Variants in PANK4 observed in about 807,000 individuals in gnomAD.
The protein encoded by PANK4 is pantothenate kinase 4 (inactive).
A neutral mutation model predicts 87.9 loss-of-function variants in PANK4; 40 were observed. The ratio of observed to expected loss-of-function variants is 0.46; its 90% CI spans 0.35 to 0.59. The LOEUF is 0.59. Ranked by LOEUF, PANK4 falls within the 20% of genes least tolerant of loss-of-function variation. The pLI, the probability that PANK4 is intolerant of heterozygous loss-of-function variation, is 0.00. For missense variants in PANK4, 926 were observed against 1,072.3 expected (o/e 0.86, Z 1.90); for synonymous variants, 524 against 467.4 (o/e 1.12, Z -1.56).
At position 2,519,010 on chromosome 1, in the gene PANK4, G is replaced by A. The variant is rs1032339055; in HGVS notation, c.1035+133C>T. On this transcript the variant is annotated intron_variant, in intron 7 of 18. Transcript: ENST00000378466. This position sits in a 1 kb window ranked among gnomAD's most constrained non-coding sequence, Gnocchi z 8.3. The stretch of plus-strand genomic sequence containing the variant: ...AGGCTGCCCAGAATCAGTCAGAAGG[G>A]AGGGGTGCTGGGCTTCTTGGCCCCC... The A allele has an allele frequency of 9.0e-5, 72 of 802,236 alleles. No homozygotes were observed. The highest frequency in any genetic ancestry group is 1.4e-4 in the Non-Finnish European group (68 of 496,904). 49.7% of individuals were successfully genotyped at this position (802,236 alleles called of 1,614,324 possible). A position where few individuals can be genotyped will look rare whatever the true frequency, so the allele number is the denominator to read the frequency against.
rs1368201084 is a variant in PANK4 at position 2,508,906 on chromosome 1, C to A, written c.2263G>T (p.Glu755Ter). The change falls in exon 19 of 19, where the codon GAG (glutamate) becomes TAG (stop). Residue 755 changes from glutamate to a stop codon, truncating the protein, a stop_gained. Transcript: ENST00000378466. LOFTEE classifies it high-confidence loss of function. This position sits in a 1 kb window ranked among gnomAD's most constrained non-coding sequence, Gnocchi z 5.1. ...LAVIKNAWLA[E>*]RLGGRLFSVI... Reference sequence around the variant, plus strand: ...CTGAAGAGCCGGCCGCCCAGCCGCTCGGCCAGCCACGCGTTCTTGATGACG... The same window carrying A: ...CTGAAGAGCCGGCCGCCCAGCCGCTAGGCCAGCCACGCGTTCTTGATGACG... The A allele has an allele frequency of 6.2e-7, 1 of 1,609,646 alleles. No individual in the cohort carries two copies.
chr1:2,519,121 G>A lies in PANK4; in HGVS notation c.1035+22C>T. The A allele has an allele frequency of 6.2e-7, 1 of 1,603,884 alleles. No individual in the cohort carries two copies. The highest frequency in any genetic ancestry group is 8.5e-7 in the Non-Finnish European group (1 of 1,173,444). On this transcript the variant is annotated intron_variant, in intron 7 of 18. Transcript: ENST00000378466. This position sits in a 1 kb window ranked among gnomAD's most constrained non-coding sequence, Gnocchi z 8.3. ...CCTGGGGGGTCTGCGTTAGAGGCTG[G>A]GGAGGGCGGCGCATCCGTTACCTTG...
At position 2,510,813 on chromosome 1, in the gene PANK4, G is replaced by T; in HGVS notation, c.1834-31C>A. On this transcript the variant is annotated intron_variant, in intron 15 of 18. Transcript: ENST00000378466. This position sits in a 1 kb window ranked among gnomAD's most constrained non-coding sequence, Gnocchi z 4.9. The stretch of plus-strand genomic sequence containing the variant: ...AGACAAAACCAGGACGTTCAGTTGG[G>T]AACAGGCGCATCCAAGCGAGTCAGT... 7.7e-7 allele frequency: 1 copy of T among 1,304,684 alleles called. No individual in the cohort carries two copies. The highest frequency in any genetic ancestry group is 1.1e-6 in the Non-Finnish European group (1 of 898,588). 80.8% of individuals were successfully genotyped at this position (1,304,684 alleles called of 1,614,324 possible). A position where few individuals can be genotyped will look rare whatever the true frequency, so the allele number is the denominator to read the frequency against.
Position 2,509,136 on chromosome 1 carries a change from C to T in PANK4, c.2109-76G>A, listed in dbSNP as rs369233916. On this transcript the variant is annotated intron_variant, in intron 18 of 18. Coordinates refer to ENST00000378466, the MANE Select transcript of PANK4 (RefSeq NM_018216.4). The surrounding 1 kb of genome is among the most constrained non-coding windows in gnomAD (Gnocchi z 4.9). ...ACTTCCCATACAGTGCGGCGACCAA[C>T]GTGAAGGCTGAAACCCCTACCGCTC... The T allele has an allele frequency of 2.1e-5, 24 of 1,160,098 alleles. No individual in the cohort carries two copies. The highest frequency in any genetic ancestry group is 9.2e-5 in the African/African-American group (6 of 65,392). 71.9% of individuals were successfully genotyped at this position (1,160,098 alleles called of 1,614,324 possible).
chr1:2,513,196 A>G lies in PANK4; in HGVS notation c.1576-157T>C, dbSNP rs191872629. Among the ~76,000 whole-genome samples the G allele has an allele frequency of 4.1e-3, 621 of 152,368 alleles. 1 individual carries two copies. Among genetic ancestry groups the G allele is most frequent in the African/African-American group, 0.013 (540 of 41,590 alleles). On this transcript the variant is annotated intron_variant, in intron 12 of 18. Transcript: ENST00000378466. Reference sequence around the variant, plus strand: ...AGGCACAAGCCTATCGGTCCGGGACAGTGGCCAGCGCACAGCTGCACGGGG... The same window carrying G: ...AGGCACAAGCCTATCGGTCCGGGACGGTGGCCAGCGCACAGCTGCACGGGG...
chr1:2,518,157 T>G lies in PANK4; in HGVS notation c.1218+7A>C, dbSNP rs1259480074. ...GGGGCCCGGGGCGGCCAGAGCCCAC[T>G]ACTCACAGTGCCACTCCGCGCCCGC... On this transcript the variant is annotated splice_region_variant and intron_variant, in intron 9 of 18. Transcript: ENST00000378466. 2 of 1,587,542 alleles carry G rather than the reference T, an allele frequency of 1.3e-6. No individual in the cohort carries two copies. The highest frequency in any genetic ancestry group is 1.7e-6 in the Non-Finnish European group (2 of 1,166,724).
rs375650798 is a variant in PANK4, at chr1:2,512,996, C to T, written c.1619G>A (p.Gly540Glu). The T allele has an allele frequency of 6.2e-7, 1 of 1,611,038 alleles. No homozygotes were observed. Among genetic ancestry groups the T allele is most frequent in the Non-Finnish European group, 8.5e-7 (1 of 1,178,628 alleles). ...ENGVALRCFP[G>E]VVRSLDALGW... is the part of the protein sequence containing the mutation. ...CAGCGCGTCCAGGGAGCGCACGACC[C>T]CGGGGAAGCACCTCAGCGCCACGCC... Residue 540 changes from glycine (G) to glutamate (E), a missense_variant, in exon 13 of 19, where the codon GGG (glycine) becomes GAG (glutamate). Coordinates refer to ENST00000378466, the MANE Select transcript of PANK4 (RefSeq NM_018216.4).
At chr1:2,513,767 C>T (rs1643707366) in intron 12 of PANK4, among the ~76,000 whole-genome samples, 1 of 152,218 alleles carries the variant, frequency 6.6e-6, no homozygotes, top group Admixed American at 6.5e-5. Flanking sequence ...CTAGTCACAG[C>T]AGTCCCCACC....
At chr1:2,517,354 C>T (rs1393448895) in intron 9 of PANK4, among the ~76,000 whole-genome samples, 1 of 152,266 alleles carries the variant, frequency 6.6e-6, no homozygotes, top group Non-Finnish European at 1.5e-5. Context: ...CTTGAAAATA[C>T]TGACACTGAA....
intron 12 of PANK4, 37 bp from the exon 13 acceptor site, chr1:2,513,076 C>CGTG: frequency 6.4e-7 from 1 of 1,556,710 alleles, no homozygotes; most frequent in South Asian, 1.2e-5. Context: ...TGAGTGAAGA[C>CGTG]GTGGCCTCAG....
At chr1:2,522,507 G>A (rs1313452467) in intron 1 of PANK4, among the ~76,000 whole-genome samples, 1 of 152,158 alleles carries the variant, frequency 6.6e-6, no homozygotes, top group African/African-American at 2.4e-5. Flanking sequence ...GGGGCTCTAT[G>A]TACCTGAACC....
rs1570545624 is a variant in PANK4, at chr1:2,519,755, T to C, written c.853+46A>G. On this transcript the variant is annotated intron_variant, in intron 6 of 18. Transcript: ENST00000378466. This position sits in a 1 kb window ranked among gnomAD's most constrained non-coding sequence, Gnocchi z 8.3. ...AAGCTCCTGTCCGTGAGACCCCAAG[T>C]GTCCCCACCATCCTGCTCTCTGGCG... 1.3e-6 allele frequency: 2 copies of C among 1,510,902 alleles called. No homozygotes were observed. Among genetic ancestry groups the C allele is most frequent in the South Asian group, 1.2e-5 (1 of 81,312 alleles). The allele number at this position is 1,510,902 out of a possible 1,614,324, so 93.6% of individuals were successfully genotyped here. A position where few individuals can be genotyped will look rare whatever the true frequency, so the allele number is the denominator to read the frequency against.
chr1:2,511,730 C>G, intron 13 of PANK4, 47 bp from the exon 14 acceptor site: 1 of 1,219,624 alleles, frequency 8.2e-7, no homozygotes, highest in East Asian at 2.3e-5. Flanking sequence ...GAACAAAAAC[C>G]TTCAGCCACA....
At chr1:2,526,402 G>T in intron 1 of PANK4, 62 bp downstream of exon 1, 1 of 437,210 alleles carries the variant, frequency 2.3e-6, no homozygotes, top group Non-Finnish European at 3.0e-6. Flanking sequence ...CCCGCTCGCC[G>T]GCCCACCGCC....
rs912379779 is a variant in PANK4, at chr1:2,508,626, A to G, written c.*221T>C. 6.5e-6 allele frequency: 2 copies of G among 309,958 alleles called. No individual in the cohort carries two copies. The highest frequency in any genetic ancestry group is 2.2e-5 in the African/African-American group (1 of 45,268). 19.2% of individuals were successfully genotyped at this position (309,958 alleles called of 1,614,324 possible). A position where few individuals can be genotyped will look rare whatever the true frequency, so the allele number is the denominator to read the frequency against. ...GATCTCTCTATTTATATATATATAT[A>G]TATAAAAGGTTCTTTAGCAGTTAAA... On this transcript the variant is annotated 3_prime_UTR_variant, in exon 19 of 19. Transcript: ENST00000378466. The surrounding 1 kb of genome is among the most constrained non-coding windows in gnomAD (Gnocchi z 5.1).
At position 2,509,758 on chromosome 1, in the gene PANK4, G is replaced by T. The variant is rs1464438498; in HGVS notation, c.2108+104C>A. On this transcript the variant is annotated intron_variant, in intron 18 of 18. Transcript: ENST00000378466. This position sits in a 1 kb window ranked among gnomAD's most constrained non-coding sequence, Gnocchi z 4.9. ...GGCCTGGGGTCAGGAGAGGCCGCAG[G>T]GGCAGTCCTGAGGTCGGTGTCCCGC... The T allele has an allele frequency of 8.2e-6, 8 of 980,360 alleles. No homozygotes were observed. In the Admixed American group the frequency reaches 1.6e-4, roughly 19 times the overall value. 60.7% of individuals were successfully genotyped at this position (980,360 alleles called of 1,614,324 possible).
intron 13 of PANK4, chr1:2,512,573 G>C (rs193267079): frequency 2.5e-6 from 1 of 401,820 alleles, no homozygotes; most frequent in Admixed American, 4.1e-5. Context: ...ACCACACATA[G>C]GAAACATGAA....
At chr1:2,525,429 G>A (rs148450907) in intron 1 of PANK4, among the ~76,000 whole-genome samples, 2,013 of 152,188 alleles carry the variant, frequency 0.013, 45 homozygotes, top group African/African-American at 0.045. Context: ...GTGCTAAGAG[G>A]GAGAGGTATG....
rs765187818 is a variant in PANK4, at chr1:2,514,104, G to A, written c.1488-15C>T. 11 of 1,601,588 alleles carry A rather than the reference G, an allele frequency of 6.9e-6. No homozygotes were observed. Among genetic ancestry groups the A allele is most frequent in the Admixed American group, 5.0e-5 (3 of 59,970 alleles). On this transcript the variant is annotated splice_polypyrimidine_tract_variant and intron_variant, in intron 11 of 18. Transcript: ENST00000378466. ...TCCCATAGGCGCTGGGGACAGACAC[G>A]GCAGAGGGCGCTGAGCAGGGCAGGC...
Sources: gnomAD v4.1 joint callset for allele counts (sites outside exome capture counted in the v4.1 genomes callset) on GRCh38, gnomAD v4.1.1 for gene constraint, Gnocchi (gnomAD v3.1) non-coding constraint, MANE v1.5 for transcripts, NCBI Gene and HGNC (gene_info 2026-07-23, HGNC 2026-07-21) for gene names.